CAMK2D: variants seen among roughly 807,000 people sequenced by gnomAD.
CAMK2D encodes calcium/calmodulin-dependent protein kinase type II subunit delta.
Under a neutral mutation model 84.0 loss-of-function variants are expected in CAMK2D, and 37 were observed. That is an observed-to-expected ratio of 0.44 (90% CI 0.34 to 0.58). The LOEUF is 0.58. Ranked by LOEUF, CAMK2D falls within the 20% of genes least tolerant of loss-of-function variation. The pLI, the probability that CAMK2D is intolerant of heterozygous loss-of-function variation, is 0.02. For synonymous variants in CAMK2D, 202 were observed against 212.5 expected (o/e 0.95, Z 0.43); for missense variants, 448 against 652.5 (o/e 0.69, Z 3.41).
At chr4:113,456,426 C>T (rs577017617) in intron 19 of CAMK2D, among the ~76,000 whole-genome samples, 16 of 152,230 alleles carry the variant, frequency 1.1e-4, no homozygotes, top group South Asian at 8.3e-4. Flanking sequence ...TAGTTGTAAC[C>T]GGCCTTCCTT....
intron 16 of CAMK2D, 103 bp downstream of exon 16, chr4:113,500,360 A>C: frequency 1.8e-6 from 1 of 561,124 alleles, no homozygotes; most frequent in Non-Finnish European, 3.1e-6. Context: ...GTGCTTTAGG[A>C]TAGGCCTACT....
intron 8 of CAMK2D, among the ~76,000 whole-genome samples, chr4:113,520,361 T>A (rs2154172872): frequency 6.6e-6 from 1 of 152,146 alleles, no homozygotes; most frequent in East Asian, 1.9e-4. Flanking sequence ...TGAGCCAAGG[T>A]CGTGCCACTG....
intron 8 of CAMK2D, among the ~76,000 whole-genome samples, chr4:113,530,940 C>T (rs1307694233): frequency 6.6e-6 from 1 of 152,030 alleles, no homozygotes; most frequent in Non-Finnish European, 1.5e-5. Context: ...AGAAATTAGC[C>T]ATGCATGGTT....
chr4:113,525,842 T>C (rs918638569), intron 8 of CAMK2D, among the ~76,000 whole-genome samples: 1 of 152,144 alleles, frequency 6.6e-6, no homozygotes, highest in African/African-American at 2.4e-5. Context: ...CTCTTGAAAA[T>C]AAGTCACTAC....
At chr4:113,465,647 A>T (rs2097450425) in intron 16 of CAMK2D, 43 bp from the exon 17 acceptor site, 1 of 1,159,336 alleles carries the variant, frequency 8.6e-7, no homozygotes, top group Non-Finnish European at 1.3e-6. Flanking sequence ...AAAAGACAAA[A>T]GTCATATTAA....
intron 2 of CAMK2D, among the ~76,000 whole-genome samples, chr4:113,724,582 C>A (rs2099540501): frequency 6.6e-6 from 1 of 151,760 alleles, no homozygotes; most frequent in Admixed American, 6.6e-5. Flanking sequence ...AAAAAAAAGC[C>A]TCCCAATCTC....
chr4:113,629,201 C>T (rs967474639), intron 3 of CAMK2D, among the ~76,000 whole-genome samples: 1 of 151,962 alleles, frequency 6.6e-6, no homozygotes, highest in South Asian at 2.1e-4. Flanking sequence ...GACAGAGCCT[C>T]GGAAAACCTT....
chr4:113,513,075 C>T, intron 12 of CAMK2D: 5 of 533,308 alleles, frequency 9.4e-6, no homozygotes, highest in Non-Finnish European at 9.6e-6. Flanking sequence ...CCTGCACCAG[C>T]ACTGACTGGT....
intron 4 of CAMK2D, among the ~76,000 whole-genome samples, chr4:113,585,344 T>C (rs1414790079): frequency 6.6e-6 from 1 of 152,190 alleles, no homozygotes; most frequent in Admixed American, 6.5e-5. Context: ...TTTTTTTCCC[T>C]AGACTTCACT....
At chr4:113,723,328 G>A (rs987543108) in intron 2 of CAMK2D, among the ~76,000 whole-genome samples, 4 of 151,228 alleles carry the variant, frequency 2.6e-5, no homozygotes, top group Admixed American at 1.3e-4. Flanking sequence ...AGTTTCAAGC[G>A]ATGCTCATGC....
intron 16 of CAMK2D, among the ~76,000 whole-genome samples, chr4:113,493,538 G>T (rs2097877065): frequency 6.6e-6 from 1 of 152,140 alleles, no homozygotes; most frequent in African/African-American, 2.4e-5. Flanking sequence ...GCTTCCCTTT[G>T]AGGGTGACCC....
At chr4:113,616,373 C>T (rs2099021178) in intron 3 of CAMK2D, among the ~76,000 whole-genome samples, 1 of 152,106 alleles carries the variant, frequency 6.6e-6, no homozygotes, top group South Asian at 2.1e-4. Context: ...AATCCTCACC[C>T]CACTCCTGAT....
intron 16 of CAMK2D, among the ~76,000 whole-genome samples, chr4:113,500,179 A>G (rs1158013676): frequency 6.6e-6 from 1 of 152,172 alleles, no homozygotes; most frequent in African/African-American, 2.4e-5. Flanking sequence ...TTATGTTCCT[A>G]TAACTAGTAA....
chr4:113,622,225 C>G (rs971470320), intron 3 of CAMK2D, among the ~76,000 whole-genome samples: 1 of 152,106 alleles, frequency 6.6e-6, no homozygotes. Context: ...TTTGTCAACC[C>G]TTCCTATTAA....
At chr4:113,531,138 T>G (rs1224032442) in intron 8 of CAMK2D, 78 bp downstream of exon 8, 8 of 780,864 alleles carry the variant, frequency 1.0e-5, no homozygotes, top group Non-Finnish European at 1.6e-5. Context: ...ACTTGGTCTA[T>G]GACAGATTGT....
At chr4:113,594,893 A>T (rs916493165) in intron 4 of CAMK2D, among the ~76,000 whole-genome samples, 10 of 152,198 alleles carry the variant, frequency 6.6e-5, no homozygotes, top group Non-Finnish European at 1.5e-5. Context: ...CATTTGAAGC[A>T]ATAATGACTG....
intron 2 of CAMK2D, among the ~76,000 whole-genome samples, chr4:113,710,909 T>C (rs2099490247): frequency 6.6e-6 from 1 of 152,166 alleles, no homozygotes; most frequent in South Asian, 2.1e-4. Flanking sequence ...AATGTTTCTC[T>C]AATGCATGTC....
chr4:113,654,179 C>G (rs895260261), intron 3 of CAMK2D, among the ~76,000 whole-genome samples: 1 of 151,902 alleles, frequency 6.6e-6, no homozygotes, highest in Non-Finnish European at 1.5e-5. Context: ...ACTACTTAAA[C>G]CTTCAATTTG....
At chr4:113,544,490 C>T (rs896773954) in intron 6 of CAMK2D, among the ~76,000 whole-genome samples, 1 of 152,164 alleles carries the variant, frequency 6.6e-6, no homozygotes, top group African/African-American at 2.4e-5. Context: ...AGGCACCAAT[C>T]ATATTTTACT....
Sources: gnomAD v4.1 joint callset for allele counts (sites outside exome capture counted in the v4.1 genomes callset) on GRCh38, gnomAD v4.1.1 for gene constraint, MANE v1.5 for transcripts, NCBI Gene and HGNC (gene_info 2026-07-23, HGNC 2026-07-21) for gene names.